The following ANK3 variants were observed in gnomAD, a reference collection of about 807,000 sequenced individuals.
ANK3 encodes ankyrin-3.
ANK3 carries 57 observed loss-of-function variants against 370.9 expected under a neutral mutation model. The observed-to-expected ratio is 0.15, with a 90% confidence interval of 0.12 to 0.19. ANK3 has a LOEUF of 0.19. Among genes scored for constraint, ANK3 ranks in the 10% least tolerant of loss-of-function variants. ANK3 has a pLI of 1.00. For synonymous variants in ANK3, 1,929 were observed against 1,946.3 expected, an observed-to-expected ratio of 0.99 and a Z score of 0.23; for missense variants, 4,439 against 5,302.1, an observed-to-expected ratio of 0.84 and a Z score of 5.06.
At chr10:60,283,224 T>C (rs1418808439) in intron 1 of ANK3, among the ~76,000 whole-genome samples, 1 of 152,172 alleles carries the variant, frequency 6.6e-6, no homozygotes, top group East Asian at 1.9e-4. Flanking sequence ...GTTTATATCC[T>C]TCGTGTAAAA....
At chr10:60,062,669 T>G (rs1290256077) in intron 40 of ANK3, 1 of 152,412 alleles carries the variant, frequency 6.6e-6, no homozygotes, top group Non-Finnish European at 1.5e-5. Context: ...ATTGCCATTT[T>G]ACCTTACAAT....
chr10:60,084,932 C>T (rs751675463), intron 31 of ANK3, 102 bp from the exon 32 acceptor site: 28 of 903,618 alleles, frequency 3.1e-5, no homozygotes, highest in Non-Finnish European at 4.2e-5. Flanking sequence ...AAGGAACTAA[C>T]CCAAAACGTT....
chr10:60,544,332 A>AT (rs2076916120), intron 2 of ANK3, among the ~76,000 whole-genome samples: 1 of 152,146 alleles, frequency 6.6e-6, no homozygotes, highest in African/African-American at 2.4e-5. Context: ...TTAAATTAGA[A>AT]TGTAATTATG....
intron 16 of ANK3, among the ~76,000 whole-genome samples, chr10:60,191,936 T>C (rs1480999507): frequency 2.0e-5 from 3 of 150,694 alleles, no homozygotes; most frequent in African/African-American, 7.3e-5. Context: ...TGAGACCGAG[T>C]CTTGCTCTGT....
At chr10:60,633,185 T>C (rs1311826882) in intron 1 of ANK3, among the ~76,000 whole-genome samples, 1 of 152,158 alleles carries the variant, frequency 6.6e-6, no homozygotes. Context: ...TTAGCAGGTA[T>C]GCAAAACAAT....
chr10:60,184,944 G>T (rs1189540227), intron 17 of ANK3, among the ~76,000 whole-genome samples: 1 of 152,182 alleles, frequency 6.6e-6, no homozygotes, highest in African/African-American at 2.4e-5. Context: ...TTCAATTTGG[G>T]AAACACAAGG....
chr10:60,708,080 T>A (rs2079645744), intron 1 of ANK3, among the ~76,000 whole-genome samples: 1 of 152,120 alleles, frequency 6.6e-6, no homozygotes, highest in South Asian at 2.1e-4. Flanking sequence ...TTCCTCCCAA[T>A]GTACAGGCTG....
chr10:60,056,523 T>C (rs912460223), intron 41 of ANK3, among the ~76,000 whole-genome samples: 1 of 152,080 alleles, frequency 6.6e-6, no homozygotes, highest in Non-Finnish European at 1.5e-5. Context: ...CAGGAGGTGC[T>C]ACACAGCTTC....
intron 43 of ANK3, among the ~76,000 whole-genome samples, 187 bp downstream of exon 43, chr10:60,042,485 G>A (rs1227068791): frequency 3.3e-5 from 5 of 152,164 alleles, no homozygotes; most frequent in Non-Finnish European, 7.3e-5. Flanking sequence ...CTGTGAAACC[G>A]AAGTCAAGTT....
At chr10:60,713,596 A>G (rs182530731) in intron 1 of ANK3, among the ~76,000 whole-genome samples, 212 of 152,256 alleles carry the variant, frequency 1.4e-3, no homozygotes, top group Non-Finnish European at 2.4e-3. Flanking sequence ...AAGAAATAAT[A>G]AAAATTACAA....
chr10:60,409,018 T>C (rs2063508241), intron 2 of ANK3, among the ~76,000 whole-genome samples: 2 of 152,208 alleles, frequency 1.3e-5, no homozygotes, highest in South Asian at 4.1e-4. Context: ...CTGTCCTCCT[T>C]AAGCAGGCAG....
intron 1 of ANK3, among the ~76,000 whole-genome samples, chr10:60,676,619 AATC>A (rs1376144121): frequency 6.6e-6 from 1 of 152,210 alleles, no homozygotes; most frequent in African/African-American, 2.4e-5. Context: ...AAGGATCATT[AATC>A]ATCATGATTC....
At chr10:60,120,752 A>T (rs1305461122) in intron 25 of ANK3, among the ~76,000 whole-genome samples, 3 of 152,232 alleles carry the variant, frequency 2.0e-5, no homozygotes, top group Non-Finnish European at 4.4e-5. Context: ...GAGAAATTTA[A>T]ATCCAAACCA....
chr10:60,550,902 A>G lies in ANK3; in HGVS notation c.96+64284T>C, dbSNP rs547324943. Reference sequence around the variant, plus strand: ...CTTAATACATCAACCATATCATTCCAAATATTATGCAATGTCTCTTCAGGA... The same window carrying G: ...CTTAATACATCAACCATATCATTCCGAATATTATGCAATGTCTCTTCAGGA... On this transcript the variant is annotated intron_variant, in intron 2 of 43. Transcript: ENST00000373827. 3.3e-5 allele frequency among the ~76,000 whole-genome samples: 5 copies of G among 152,194 alleles called. No individual in the cohort carries two copies. The East Asian group carries it at 9.6e-4, about 29-fold the overall frequency.
intron 2 of ANK3, among the ~76,000 whole-genome samples, chr10:60,585,166 C>A (rs1247861114): frequency 6.6e-6 from 1 of 152,096 alleles, no homozygotes; most frequent in African/African-American, 2.4e-5. Flanking sequence ...GCCTAGCAGT[C>A]GGGCAGCAAG....
At chr10:60,671,429 T>C (rs1409384980) in intron 1 of ANK3, among the ~76,000 whole-genome samples, 2 of 152,172 alleles carry the variant, frequency 1.3e-5, no homozygotes, top group Non-Finnish European at 2.9e-5. Flanking sequence ...CTCTCAGAGG[T>C]CTTCCCTGGT....
intron 1 of ANK3, among the ~76,000 whole-genome samples, chr10:60,667,047 C>A (rs1383605286): frequency 6.6e-6 from 1 of 151,446 alleles, no homozygotes; most frequent in Non-Finnish European, 1.5e-5. Context: ...AGTATACTTA[C>A]ACTACTGTAA....
chr10:60,079,174 TACACACACACACACACACACACACACAC>T (rs58239281), intron 36 of ANK3, among the ~76,000 whole-genome samples: 2 of 113,768 alleles, frequency 1.8e-5, no homozygotes, highest in African/African-American at 3.5e-5. Context: ...GCTACCTAGC[TACACACACACACACACACACACACACAC>T]ACACACACAC....
chr10:60,063,179 T>A lies in ANK3; in HGVS notation c.12527A>T (p.Asp4176Val). Reference sequence around the variant, plus strand: ...TCTGGTGCCTGAAATATTTCCATAATCAAATATTGGTCCTTCTAGCAGTGT... The same window carrying A: ...TCTGGTGCCTGAAATATTTCCATAAACAAATATTGGTCCTTCTAGCAGTGT... ...IVTLLEGPIF[D>V]YGNISGTRSF... Residue 4176 changes from aspartate (D) to valine (V), a missense_variant, in exon 40 of 44, where the codon GAT becomes GTT. Physicochemically the swap from Asp to Val is radical, Grantham distance 152 (BLOSUM62 -3). Transcript: ENST00000280772. The A allele has an allele frequency of 6.2e-7, 1 of 1,613,608 alleles. No individual in the cohort carries two copies. Among genetic ancestry groups the A allele is most frequent in the East Asian group, 2.2e-5 (1 of 44,840 alleles).
Sources: allele counts gnomAD v4.1 joint callset (sites outside exome capture counted in the v4.1 genomes callset), GRCh38; gene constraint gnomAD v4.1.1; transcripts MANE v1.5; gene names NCBI Gene and HGNC (gene_info 2026-07-23, HGNC 2026-07-21).